PCDH9: variants seen among roughly 807,000 people sequenced by gnomAD.
PCDH9 encodes protocadherin-9.
A neutral mutation model predicts 70.6 loss-of-function variants in PCDH9; 24 were observed. The observed-to-expected ratio is 0.34, with a 90% CI of 0.25 to 0.48. PCDH9 has a LOEUF of 0.48. PCDH9 is among the 20% of genes least tolerant of loss of function. The pLI is 0.99. For synonymous variants in PCDH9, 562 were observed against 558.5 expected, an observed-to-expected ratio of 1.01 and a Z score of -0.09; for missense variants, 1,281 against 1,503.6, an observed-to-expected ratio of 0.85 and a Z score of 2.45.
At chr13:67,211,938 T>C (rs1033879605) in intron 2 of PCDH9, 4 of 152,082 alleles carry the variant, frequency 2.6e-5, no homozygotes, top group Non-Finnish European at 5.9e-5. Context: ...CTTTTCAAAA[T>C]GGATGTCTCT....
intron 4 of PCDH9, among the ~76,000 whole-genome samples, chr13:66,536,530 G>A (rs1375628002): frequency 2.0e-5 from 3 of 152,016 alleles, no homozygotes; most frequent in African/African-American, 7.2e-5. Flanking sequence ...ATGACTCAAT[G>A]TGGCTTTTTC....
intron 2 of PCDH9, among the ~76,000 whole-genome samples, chr13:66,968,378 C>T (rs531621066): frequency 6.6e-6 from 1 of 152,104 alleles, no homozygotes; most frequent in South Asian, 2.1e-4. Context: ...ATTAAAGATG[C>T]CCAAGATTCC....
At chr13:67,052,111 C>T (rs577768384) in intron 2 of PCDH9, among the ~76,000 whole-genome samples, 1 of 152,186 alleles carries the variant, frequency 6.6e-6, no homozygotes, top group South Asian at 2.1e-4. Context: ...TGTGTTTCTG[C>T]CTCCAAATCC....
chr13:66,376,526 CAG>C (rs1204604763), intron 4 of PCDH9, among the ~76,000 whole-genome samples: 7 of 151,890 alleles, frequency 4.6e-5, no homozygotes, highest in Non-Finnish European at 1.0e-4. Flanking sequence ...CAAAGTAAAA[CAG>C]ATGACTTTTT....
chr13:66,976,489 C>T (rs536138632), intron 2 of PCDH9, among the ~76,000 whole-genome samples: 43 of 152,154 alleles, frequency 2.8e-4, no homozygotes, highest in Admixed American at 5.9e-4. Context: ...TAAAATAACT[C>T]TTTGAGTTTC....
At chr13:66,686,670 T>G (rs1298168864) in intron 3 of PCDH9, among the ~76,000 whole-genome samples, 2 of 152,198 alleles carry the variant, frequency 1.3e-5, no homozygotes, top group African/African-American at 4.8e-5. Context: ...AACCATTTTT[T>G]ACTTCCTACC....
At chr13:67,122,151 A>G (rs1259478676) in intron 2 of PCDH9, among the ~76,000 whole-genome samples, 1 of 152,218 alleles carries the variant, frequency 6.6e-6, no homozygotes, top group East Asian at 1.9e-4. Flanking sequence ...TGTAAGCTGT[A>G]AGCATTCTCC....
chr13:66,432,708 C>T (rs750846668), intron 4 of PCDH9, among the ~76,000 whole-genome samples: 8 of 151,896 alleles, frequency 5.3e-5, no homozygotes, highest in Non-Finnish European at 1.2e-4. Flanking sequence ...CTTCCCATCA[C>T]AATTGAACAT....
chr13:66,462,004 A>G (rs777614119), intron 4 of PCDH9, among the ~76,000 whole-genome samples: 4 of 151,714 alleles, frequency 2.6e-5, no homozygotes, highest in Non-Finnish European at 5.9e-5. Context: ...CAGCAGTGCA[A>G]CAAGCTGGAG....
chr13:67,188,417 T>A (rs2088817201), intron 2 of PCDH9, among the ~76,000 whole-genome samples: 1 of 152,158 alleles, frequency 6.6e-6, no homozygotes, highest in African/African-American at 2.4e-5. Context: ...CTTTTATTTA[T>A]GAAATCATAG....
intron 3 of PCDH9, among the ~76,000 whole-genome samples, chr13:66,679,991 T>C (rs1346824270): frequency 2.0e-5 from 3 of 151,994 alleles, no homozygotes; most frequent in East Asian, 1.9e-4. Context: ...AACCTCACTA[T>C]GGTTTTCATA....
intron 4 of PCDH9, among the ~76,000 whole-genome samples, chr13:66,476,983 T>G (rs1196242520): frequency 6.6e-6 from 1 of 152,054 alleles, no homozygotes; most frequent in Non-Finnish European, 1.5e-5. Context: ...CTCTCCTAAG[T>G]TTTTATTCAA....
chr13:66,972,072 T>A (rs1330846715), intron 2 of PCDH9, among the ~76,000 whole-genome samples: 1 of 151,986 alleles, frequency 6.6e-6, no homozygotes, highest in East Asian at 1.9e-4. Flanking sequence ...CCATGATAAC[T>A]GTTTGCATCT....
intron 4 of PCDH9, among the ~76,000 whole-genome samples, chr13:66,332,707 T>C (rs1955965243): frequency 6.6e-6 from 1 of 151,924 alleles, no homozygotes; most frequent in Non-Finnish European, 1.5e-5. Context: ...CTGGGATCTA[T>C]TCCACAGGAA....
Position 66,631,425 on chromosome 13 carries a change from C to T in PCDH9, c.3139-14G>A, listed in dbSNP as rs764111883. On this transcript the variant is annotated splice_polypyrimidine_tract_variant and intron_variant, in intron 3 of 4. Coordinates refer to ENST00000377865, the MANE Select transcript of PCDH9 (RefSeq NM_203487.3). ...ACGGCGCTGCGACTACAAAGAAGAC[C>T]ACAGGACATGCTGATTAACACTCCT... 2 of 1,511,372 alleles carry T rather than the reference C, an allele frequency of 1.3e-6. No individual in the cohort carries two copies. Among genetic ancestry groups the T allele is most frequent in the Non-Finnish European group, 1.8e-6 (2 of 1,087,384 alleles). The allele number at this position is 1,511,372 out of a possible 1,614,324, so 93.6% of individuals were successfully genotyped here. A position where few individuals can be genotyped will look rare whatever the true frequency, so the allele number is the denominator to read the frequency against.
chr13:66,515,861 A>T (rs1463132055), intron 4 of PCDH9, among the ~76,000 whole-genome samples: 3 of 152,048 alleles, frequency 2.0e-5, no homozygotes, highest in African/African-American at 7.2e-5. Flanking sequence ...GTGAATTTTA[A>T]GTATGTGAGC....
intron 2 of PCDH9, among the ~76,000 whole-genome samples, chr13:67,106,259 T>C (rs1442741735): frequency 6.6e-6 from 1 of 152,198 alleles, no homozygotes; most frequent in Non-Finnish European, 1.5e-5. Context: ...ACCAAGTTAT[T>C]CATTTATCCA....
At chr13:66,372,095 C>T (rs1956665286) in intron 4 of PCDH9, among the ~76,000 whole-genome samples, 1 of 151,928 alleles carries the variant, frequency 6.6e-6, no homozygotes, top group Non-Finnish European at 1.5e-5. Flanking sequence ...GTACTGATTG[C>T]TAATTGTGTG....
chr13:66,389,026 T>C (rs1472630047), intron 4 of PCDH9, among the ~76,000 whole-genome samples: 3 of 152,296 alleles, frequency 2.0e-5, no homozygotes, highest in East Asian at 3.9e-4. Flanking sequence ...ATTTCTTCTG[T>C]CCATGTGTTT....
Sources: allele counts gnomAD v4.1 joint callset (sites outside exome capture counted in the v4.1 genomes callset), GRCh38; gene constraint gnomAD v4.1.1; transcripts MANE v1.5; gene names NCBI Gene and HGNC (gene_info 2026-07-23, HGNC 2026-07-21).